Variants in ST3GAL1 observed in about 807,000 individuals in gnomAD.
ST3GAL1 encodes the protein CMP-N-acetylneuraminate-beta-galactosamide-alpha-2,3-sialyltransferase 1.
In ST3GAL1, 16 loss-of-function variants were observed where a neutral mutation model predicts 34.1. The observed-to-expected ratio is 0.47, with a 90% CI of 0.32 to 0.71. ST3GAL1 has a LOEUF of 0.71. Ranked by LOEUF, ST3GAL1 falls within the 30% of genes least tolerant of loss-of-function variation. The pLI, the probability that ST3GAL1 is intolerant of heterozygous loss-of-function variation, is 0.04. For synonymous variants in ST3GAL1, 191 were observed against 184.7 expected, an observed-to-expected ratio of 1.03 and a Z score of -0.28; for missense variants, 353 against 447.4, an observed-to-expected ratio of 0.79 and a Z score of 1.90.
chr8:133,520,777 T>G (rs1817781794), intron 2 of ST3GAL1, among the ~76,000 whole-genome samples: 1 of 111,000 alleles, frequency 9.0e-6, no homozygotes, highest in Admixed American at 8.3e-5. Context: ...TTGTGGGTTT[T>G]TTTTTTTTTT....
chr8:133,559,318 T>G (rs1470275689), intron 1 of ST3GAL1, among the ~76,000 whole-genome samples: 1 of 152,192 alleles, frequency 6.6e-6, no homozygotes, highest in African/African-American at 2.4e-5. Flanking sequence ...TGAGCTCAGT[T>G]TGTTCCAGGT....
At chr8:133,462,485 A>G (rs1436712394) in intron 8 of ST3GAL1, among the ~76,000 whole-genome samples, 1 of 152,176 alleles carries the variant, frequency 6.6e-6, no homozygotes, top group Non-Finnish European at 1.5e-5. Flanking sequence ...AAGCCCAGAG[A>G]GGCTAAGTGA....
chr8:133,477,665 GTACCTCTCAAA>G (rs1458364099), intron 3 of ST3GAL1, among the ~76,000 whole-genome samples: 1 of 152,028 alleles, frequency 6.6e-6, no homozygotes, highest in African/African-American at 2.4e-5. Context: ...AGGCAAACAG[GTACCTCTCAAA>G]TGCCCATCGG....
chr8:133,533,162 T>C (rs1405565613), intron 2 of ST3GAL1, among the ~76,000 whole-genome samples: 1 of 152,162 alleles, frequency 6.6e-6, no homozygotes, highest in Non-Finnish European at 1.5e-5. Context: ...CGCAGTCCAA[T>C]GGCACTCTGA....
At chr8:133,506,506 TG>T (rs1191971881) in intron 2 of ST3GAL1, among the ~76,000 whole-genome samples, 4 of 152,194 alleles carry the variant, frequency 2.6e-5, no homozygotes, top group Non-Finnish European at 5.9e-5. Flanking sequence ...AAACTGCGGC[TG>T]GGCACGGTGG....
chr8:133,489,383 C>A (rs751723388), intron 3 of ST3GAL1, among the ~76,000 whole-genome samples: 1 of 152,198 alleles, frequency 6.6e-6, no homozygotes, highest in South Asian at 2.1e-4. Context: ...CGCCCCTCCC[C>A]GGACACCCCT....
At chr8:133,513,793 G>C (rs954030889) in intron 2 of ST3GAL1, among the ~76,000 whole-genome samples, 35 of 152,108 alleles carry the variant, frequency 2.3e-4, no homozygotes, top group African/African-American at 7.5e-4. Flanking sequence ...CAGCTACTTG[G>C]GGGGCTGAGG....
chr8:133,465,826 T>G (rs1210643183), intron 6 of ST3GAL1, 68 bp downstream of exon 6: 1 of 1,531,084 alleles, frequency 6.5e-7, no homozygotes, highest in East Asian at 2.3e-5. Flanking sequence ...TGAGCCAAGA[T>G]GCTTCCTACA....
chr8:133,510,482 G>T, intron 2 of ST3GAL1, among the ~76,000 whole-genome samples: 1 of 152,176 alleles, frequency 6.6e-6, no homozygotes. Flanking sequence ...CTATGTACAT[G>T]CCGGGCAATT....
rs1815338150 is a variant in ST3GAL1 at position 133,457,340 on chromosome 8, C to T, written c.*2424G>A. ...GCAAAACCCAGAGAAGTCGACTGCTCAGCCTGAGCCTGTCATCCCTATATA... is the reference window on the plus strand; with the variant it reads ...GCAAAACCCAGAGAAGTCGACTGCTTAGCCTGAGCCTGTCATCCCTATATA... On this transcript the variant is annotated 3_prime_UTR_variant, in exon 10 of 10. Transcript: ENST00000522652. The T allele has an allele frequency of 6.6e-6, 1 of 152,254 alleles. No individual in the cohort carries two copies. 9.4% of individuals were successfully genotyped at this position (152,254 alleles called of 1,614,324 possible).
intron 9 of ST3GAL1, among the ~76,000 whole-genome samples, chr8:133,460,259 G>A (rs1815446856): frequency 6.6e-6 from 1 of 152,160 alleles, no homozygotes; most frequent in African/African-American, 2.4e-5. Context: ...AGCTACAGAG[G>A]GAAGGAATAG....
chr8:133,461,998 C>T lies in ST3GAL1; in HGVS notation c.730-4G>A, dbSNP rs374749898. ...AGGCTGGGTGGTAGATCAGGATCTG[C>T]GGGGATGGGAAGACACGGCCCTTAG... is the stretch of plus-strand genomic sequence containing the variant. On this transcript the variant is annotated splice_region_variant and splice_polypyrimidine_tract_variant and intron_variant, in intron 8 of 9. Coordinates refer to ENST00000522652, the MANE Select transcript of ST3GAL1 (RefSeq NM_173344.3). This position sits in a 1 kb window ranked among gnomAD's most constrained non-coding sequence, Gnocchi z 4.7. 3.2e-5 allele frequency: 52 copies of T among 1,613,768 alleles called. 1 individual carries two copies. The African/African-American group carries it at 3.7e-4, about 12-fold the overall frequency.
At chr8:133,485,073 C>T (rs975170624) in intron 3 of ST3GAL1, among the ~76,000 whole-genome samples, 2 of 152,238 alleles carry the variant, frequency 1.3e-5, no homozygotes, top group Non-Finnish European at 2.9e-5. Flanking sequence ...CGAGGGTTCT[C>T]AGGGCACCCT....
chr8:133,498,282 T>C (rs13275334), intron 3 of ST3GAL1, among the ~76,000 whole-genome samples: 87,897 of 152,166 alleles, frequency 0.58, 25,636 homozygotes, highest in South Asian at 0.68. Flanking sequence ...GCAGGGACAG[T>C]GAGCTGTGAA....
At chr8:133,484,108 T>C (rs1486367516) in intron 3 of ST3GAL1, among the ~76,000 whole-genome samples, 2 of 152,132 alleles carry the variant, frequency 1.3e-5, no homozygotes, top group African/African-American at 2.4e-5. Context: ...CTGCCATCCA[T>C]TTGACCCTTT....
At chr8:133,523,907 G>C (rs1817884939) in intron 2 of ST3GAL1, among the ~76,000 whole-genome samples, 1 of 152,172 alleles carries the variant, frequency 6.6e-6, no homozygotes, top group South Asian at 2.1e-4. Context: ...ATAATCATAA[G>C]AGCTTTGTGT....
At chr8:133,518,691 A>T (rs568262142) in intron 2 of ST3GAL1, among the ~76,000 whole-genome samples, 36 of 152,328 alleles carry the variant, frequency 2.4e-4, no homozygotes, top group Middle Eastern at 3.4e-3. Context: ...ACAAGCAAGG[A>T]CTGCAAGGAC....
chr8:133,483,197 C>A (rs1348705492), intron 3 of ST3GAL1, among the ~76,000 whole-genome samples: 1 of 152,132 alleles, frequency 6.6e-6, no homozygotes, highest in Non-Finnish European at 1.5e-5. Context: ...CAAAAATTAG[C>A]CGGGTGTGGT....
At chr8:133,491,257 G>A (rs927570757) in intron 3 of ST3GAL1, among the ~76,000 whole-genome samples, 2 of 81,138 alleles carry the variant, frequency 2.5e-5, no homozygotes, top group Non-Finnish European at 5.8e-5. Flanking sequence ...ATCGAGGAGT[G>A]CTACATTTGG....
Sources: allele counts gnomAD v4.1 joint callset (sites outside exome capture counted in the v4.1 genomes callset), GRCh38; gene constraint gnomAD v4.1.1; non-coding constraint Gnocchi (gnomAD v3.1); transcripts MANE v1.5; gene names NCBI Gene and HGNC (gene_info 2026-07-23, HGNC 2026-07-21).